Variants in TNFRSF19 observed in about 807,000 individuals in gnomAD.
TNFRSF19 encodes the protein TNF receptor superfamily member 19, also known as tumor necrosis factor receptor superfamily member 19.
Under a neutral mutation model 46.4 loss-of-function variants are expected in TNFRSF19, and 27 were observed. The ratio of observed to expected loss-of-function variants is 0.58; its 90% CI spans 0.43 to 0.80. The LOEUF is 0.80. TNFRSF19 is among the 30% of genes least tolerant of loss of function. The pLI is 0.00. For synonymous variants in TNFRSF19, 204 were observed against 205.0 expected, an observed-to-expected ratio of 1.00 and a Z score of 0.04; for missense variants, 511 against 530.8, an observed-to-expected ratio of 0.96 and a Z score of 0.37.
At chr13:23,609,484 C>T (rs903335173) in intron 3 of TNFRSF19, among the ~76,000 whole-genome samples, 1 of 152,188 alleles carries the variant, frequency 6.6e-6, no homozygotes, top group Non-Finnish European at 1.5e-5. Context: ...AGCCCCAGCC[C>T]ATCCTCCTCA....
chr13:23,622,110 TA>T (rs1881704736), intron 4 of TNFRSF19, among the ~76,000 whole-genome samples: 1 of 152,116 alleles, frequency 6.6e-6, no homozygotes, highest in African/African-American at 2.4e-5. Flanking sequence ...AGTTAGTATT[TA>T]ATGGTCATTC....
chr13:23,627,606 C>A (rs187866711), intron 5 of TNFRSF19, among the ~76,000 whole-genome samples: 1 of 152,144 alleles, frequency 6.6e-6, no homozygotes, highest in Non-Finnish European at 1.5e-5. Flanking sequence ...TCAGGAGAGC[C>A]GCACTTCACG....
At chr13:23,651,588 T>A (rs745311934) in intron 5 of TNFRSF19, among the ~76,000 whole-genome samples, 1 of 152,162 alleles carries the variant, frequency 6.6e-6, no homozygotes, top group Non-Finnish European at 1.5e-5. Flanking sequence ...CTACATTTAT[T>A]TAATGCTCAT....
At chr13:23,578,586 A>G (rs1878132023) in intron 1 of TNFRSF19, among the ~76,000 whole-genome samples, 1 of 152,236 alleles carries the variant, frequency 6.6e-6, no homozygotes, top group South Asian at 2.1e-4. Flanking sequence ...TTGAGTGGGA[A>G]GTCAAAACCA....
intron 9 of TNFRSF19, chr13:23,669,356 T>C (rs1274272667): frequency 8.0e-7 from 1 of 1,247,164 alleles, no homozygotes; most frequent in African/African-American, 1.5e-5. Context: ...GCACAGCACC[T>C]GCTGCCTCCT....
At chr13:23,621,452 C>G (rs1881648827) in intron 4 of TNFRSF19, among the ~76,000 whole-genome samples, 1 of 152,168 alleles carries the variant, frequency 6.6e-6, no homozygotes, top group Non-Finnish European at 1.5e-5. Context: ...ACAGACACTT[C>G]AGAAAATCCC....
At chr13:23,591,298 C>G (rs1566168645) in intron 2 of TNFRSF19, among the ~76,000 whole-genome samples, 2 of 151,960 alleles carry the variant, frequency 1.3e-5, no homozygotes, top group Non-Finnish European at 2.9e-5. Flanking sequence ...ACTAAAAATA[C>G]AAAAATTACC....
rs77713766 is a variant in TNFRSF19, at chr13:23,599,029, T to G, written c.180+5574T>G. Among the ~76,000 whole-genome samples the G allele has an allele frequency of 9.2e-5, 14 of 152,336 alleles. No individual in the cohort carries two copies. In the East Asian group the frequency reaches 2.3e-3, roughly 25 times the overall value. On this transcript the variant is annotated intron_variant, in intron 3 of 9. Coordinates refer to ENST00000248484, the MANE Select transcript of TNFRSF19 (RefSeq NM_148957.4). ...CATTCTGCAAGTGGCTTCTGATAGA[T>G]AGCGTTTCTCTCTGGCTTTTGTGTT... is the stretch of plus-strand genomic sequence containing the variant.
chr13:23,579,056 C>A (rs900615792), intron 1 of TNFRSF19, among the ~76,000 whole-genome samples: 1 of 152,214 alleles, frequency 6.6e-6, no homozygotes, highest in Non-Finnish European at 1.5e-5. Flanking sequence ...GGGAACACCC[C>A]GGCGGAAAGG....
intron 5 of TNFRSF19, among the ~76,000 whole-genome samples, chr13:23,634,259 G>A (rs9580702): frequency 0.012 from 1,884 of 152,298 alleles, 32 homozygotes; most frequent in African/African-American, 0.043. Context: ...CCTTGAATTG[G>A]GAGCTGCTCT....
At chr13:23,630,754 GA>G (rs1882306517) in intron 5 of TNFRSF19, among the ~76,000 whole-genome samples, 1 of 152,212 alleles carries the variant, frequency 6.6e-6, no homozygotes, top group African/African-American at 2.4e-5. Context: ...CCTTCAGTCT[GA>G]TAAGAAATGC....
intron 3 of TNFRSF19, among the ~76,000 whole-genome samples, chr13:23,614,746 CATATATATAT>C (rs59117822): frequency 8.9e-5 from 12 of 134,862 alleles, no homozygotes; most frequent in South Asian, 7.8e-4. Context: ...ATAAGTAATA[CATATATATAT>C]ATATATATAT....
intron 9 of TNFRSF19, among the ~76,000 whole-genome samples, chr13:23,672,178 G>A (rs1245578869): frequency 6.6e-6 from 1 of 152,204 alleles, no homozygotes; most frequent in Non-Finnish European, 1.5e-5. Flanking sequence ...TCTGATGATA[G>A]TTATGGTTCC....
intron 1 of TNFRSF19, among the ~76,000 whole-genome samples, chr13:23,574,796 C>T (rs555163156): frequency 2.6e-5 from 4 of 152,334 alleles, no homozygotes; most frequent in Non-Finnish European, 5.9e-5. Flanking sequence ...TTTAATTTCT[C>T]CTCTACTGTC....
At chr13:23,616,804 C>G (rs1593259032) in intron 4 of TNFRSF19, among the ~76,000 whole-genome samples, 1 of 152,116 alleles carries the variant, frequency 6.6e-6, no homozygotes, top group Non-Finnish European at 1.5e-5. Flanking sequence ...GTCTCAAACT[C>G]CTGACCTCAG....
chr13:23,618,128 A>G (rs757621532), intron 4 of TNFRSF19, among the ~76,000 whole-genome samples: 6 of 152,202 alleles, frequency 3.9e-5, no homozygotes, highest in African/African-American at 9.6e-5. Flanking sequence ...AAAAGAAAAA[A>G]TAGCTCTGTT....
chr13:23,575,341 C>T (rs1321843023), intron 1 of TNFRSF19, among the ~76,000 whole-genome samples: 1 of 152,156 alleles, frequency 6.6e-6, no homozygotes, highest in African/African-American at 2.4e-5. Context: ...TAAAAATAGC[C>T]TCCTTGGGTT....
At chr13:23,612,535 A>G (rs1198765147) in intron 3 of TNFRSF19, among the ~76,000 whole-genome samples, 1 of 152,106 alleles carries the variant, frequency 6.6e-6, no homozygotes, top group Non-Finnish European at 1.5e-5. Flanking sequence ...ATTTCTAGTT[A>G]TTTCATGGTT....
chr13:23,585,169 T>C (rs1878732747), intron 1 of TNFRSF19, among the ~76,000 whole-genome samples: 2 of 152,252 alleles, frequency 1.3e-5, no homozygotes, highest in African/African-American at 4.8e-5. Flanking sequence ...TAGAAAAATG[T>C]ATGGGTTGAA....
Sources: allele counts gnomAD v4.1 joint callset (sites outside exome capture counted in the v4.1 genomes callset), GRCh38; gene constraint gnomAD v4.1.1; transcripts MANE v1.5; gene names NCBI Gene and HGNC (gene_info 2026-07-23, HGNC 2026-07-21).